Variants in ARHGEF11 observed in about 807,000 individuals in gnomAD.
The protein encoded by ARHGEF11 is Rho guanine nucleotide exchange factor 11, also known as Rho guanine exchange factor (GEF) 11.
A neutral mutation model predicts 193.7 loss-of-function variants in ARHGEF11; 55 were observed. That is an observed-to-expected ratio of 0.28 (90% CI 0.23 to 0.36). The LOEUF (loss-of-function observed/expected upper bound fraction) is 0.36, where lower values mean the gene tolerates loss of function less well. Among genes scored for constraint, ARHGEF11 ranks in the 10% least tolerant of loss-of-function variants. The probability of loss-of-function intolerance (pLI) is 1.00; values close to 1 mark genes in which losing one functional copy is unlikely to be tolerated. For synonymous variants in ARHGEF11, 693 were observed against 768.0 expected, an observed-to-expected ratio of 0.90 and a Z score of 1.62; for missense variants, 1,723 against 2,005.6, an observed-to-expected ratio of 0.86 and a Z score of 2.69.
intron 1 of ARHGEF11, among the ~76,000 whole-genome samples, chr1:157,027,825 G>T (rs947276140): frequency 6.6e-6 from 1 of 152,118 alleles, no homozygotes; most frequent in Non-Finnish European, 1.5e-5. Context: ...AATGTCTTGC[G>T]ATGCTTGCTC....
At chr1:156,980,371 G>C in intron 4 of ARHGEF11, 66 bp downstream of exon 4, 2 of 1,555,080 alleles carry the variant, frequency 1.3e-6, no homozygotes, top group Admixed American at 1.9e-5. Context: ...GATGGGCCAA[G>C]GCCAGGAGTG....
chr1:157,038,358 G>A (rs995496640), intron 1 of ARHGEF11, among the ~76,000 whole-genome samples: 2 of 152,162 alleles, frequency 1.3e-5, no homozygotes, highest in South Asian at 2.1e-4. Flanking sequence ...ACATATTCAT[G>A]TCTTAGTTTG....
chr1:157,034,998 TG>T (rs1557988569), intron 1 of ARHGEF11, among the ~76,000 whole-genome samples: 2 of 152,136 alleles, frequency 1.3e-5, no homozygotes, highest in South Asian at 2.1e-4. Context: ...AAGAGGGATG[TG>T]GGCCCAGGAA....
intron 1 of ARHGEF11, among the ~76,000 whole-genome samples, chr1:157,012,660 A>T (rs1000056316): frequency 6.6e-6 from 1 of 152,238 alleles, no homozygotes; most frequent in Non-Finnish European, 1.5e-5. Context: ...TTGCCCATAT[A>T]TCCAAAGTAA....
chr1:156,945,484 G>A (rs1657951560), intron 29 of ARHGEF11: 1 of 414,658 alleles, frequency 2.4e-6, no homozygotes, highest in African/African-American at 2.0e-5. Flanking sequence ...CAGAGACTGT[G>A]GTAAATGGCC....
chr1:157,023,572 C>T (rs1240033887), intron 1 of ARHGEF11, among the ~76,000 whole-genome samples: 3 of 152,156 alleles, frequency 2.0e-5, no homozygotes, highest in Non-Finnish European at 4.4e-5. Context: ...TTGAGATCAG[C>T]CTGGCCAACA....
intron 1 of ARHGEF11, among the ~76,000 whole-genome samples, chr1:156,991,725 T>A (rs1160344803): frequency 5.4e-5 from 6 of 111,852 alleles, no homozygotes; most frequent in African/African-American, 2.1e-4. Context: ...TTTTTTTTTT[T>A]TTTTTTTTTG....
chr1:157,014,108 C>T (rs1668902717), intron 1 of ARHGEF11, among the ~76,000 whole-genome samples: 1 of 152,200 alleles, frequency 6.6e-6, no homozygotes, highest in Non-Finnish European at 1.5e-5. Context: ...TTAGTGTTTC[C>T]ATGACCTTTT....
intron 1 of ARHGEF11, among the ~76,000 whole-genome samples, chr1:157,042,968 G>A (rs1226189114): frequency 6.6e-6 from 1 of 152,220 alleles, no homozygotes; most frequent in Non-Finnish European, 1.5e-5. Context: ...ACAGAAAGGA[G>A]GAAGGAGGTC....
chr1:156,946,096 G>A lies in ARHGEF11; in HGVS notation c.2761C>T (p.Arg921Trp), dbSNP rs2101912677. 1 of 1,613,442 alleles carries A rather than the reference G, an allele frequency of 6.2e-7. No homozygotes were observed. Among genetic ancestry groups the A allele is most frequent in the Non-Finnish European group, 8.5e-7 (1 of 1,179,872 alleles). Residue 921 changes from arginine (R) to tryptophan (W), a missense_variant, in exon 29 of 41, where the codon CGG (arginine) becomes TGG (tryptophan). Arg to Trp is a moderately radical substitution (Grantham distance 101). Coordinates refer to ENST00000368194, the MANE Select transcript of ARHGEF11 (RefSeq NM_198236.3). Reference protein sequence around the residue: ...LRDLIISEMQRLTKYPLLLES... With the variant: ...LRDLIISEMQWLTKYPLLLES... ...AGCAGCAGCGGGTACTTGGTGAGCC[G>A]CTGCATCTCAGAGATGATGAGGTCT...
At position 156,968,032 on chromosome 1, in the gene ARHGEF11, G is replaced by C. The variant is rs1317341295; in HGVS notation, c.918C>G (p.His306Gln). Residue 306 changes from histidine (H) to glutamine (Q), a missense_variant, in exon 11 of 41, where the codon CAC (histidine) becomes CAG (glutamine). Transcript: ENST00000368194. ...CTGCTGCATCCGAGCCCTGCCGCCTGTGGTGCTGGGCCACCCTGGCCATGA... is the reference window on the plus strand; with the variant it reads ...CTGCTGCATCCGAGCCCTGCCGCCTCTGGTGCTGGGCCACCCTGGCCATGA... ...PVIMARVAQH[H>Q]RRQGSDAAVP... is the part of the protein sequence containing the mutation. 1.2e-6 allele frequency: 2 copies of C among 1,614,120 alleles called. No homozygotes were observed. Among genetic ancestry groups the C allele is most frequent in the East Asian group, 4.5e-5 (2 of 44,896 alleles).
chr1:157,027,238 C>T (rs149650733), intron 1 of ARHGEF11, among the ~76,000 whole-genome samples: 296 of 152,144 alleles, frequency 1.9e-3, no homozygotes, highest in African/African-American at 6.5e-3. Flanking sequence ...AAAAATTAGC[C>T]GAGTGCGGTG....
chr1:156,967,655 G>C (rs1311122942), intron 11 of ARHGEF11, among the ~76,000 whole-genome samples: 1 of 152,060 alleles, frequency 6.6e-6, no homozygotes, highest in Non-Finnish European at 1.5e-5. Flanking sequence ...CGGGGAAACT[G>C]AAAATTAGTA....
chr1:156,961,572 T>C (rs1660857422), intron 14 of ARHGEF11, 105 bp downstream of exon 14: 8 of 961,366 alleles, frequency 8.3e-6, no homozygotes, highest in Middle Eastern at 2.1e-4. Flanking sequence ...GATTTCTCTT[T>C]AAGAACCTGT....
chr1:156,935,121 C>G lies in ARHGEF11; in HGVS notation c.*879G>C, dbSNP rs1654836220. 2 of 152,474 alleles carry G rather than the reference C, an allele frequency of 1.3e-5. No individual in the cohort carries two copies. The highest frequency in any genetic ancestry group is 2.9e-5 in the Non-Finnish European group (2 of 68,028). The allele number at this position is 152,474 out of a possible 1,614,324, so 9.4% of individuals were successfully genotyped here. A position where few individuals can be genotyped will look rare whatever the true frequency, so the allele number is the denominator to read the frequency against. ...AGGGACTCGGCATTCAGACCCCTGT[C>G]CCCACCTCCTGGGGCCCAGTCCTCA... is the stretch of plus-strand genomic sequence containing the variant. On this transcript the variant is annotated 3_prime_UTR_variant, in exon 41 of 41. Transcript: ENST00000368194.
At chr1:157,022,098 A>T (rs1365768563) in intron 1 of ARHGEF11, among the ~76,000 whole-genome samples, 1 of 152,216 alleles carries the variant, frequency 6.6e-6, no homozygotes, top group Non-Finnish European at 1.5e-5. Flanking sequence ...ATGGTGAAAA[A>T]CTGAATGCTT....
At chr1:157,012,447 T>C (rs1668654328) in intron 1 of ARHGEF11, among the ~76,000 whole-genome samples, 1 of 152,146 alleles carries the variant, frequency 6.6e-6, no homozygotes, top group South Asian at 2.1e-4. Flanking sequence ...CACTTAACCA[T>C]ATAATTTAAA....
intron 1 of ARHGEF11, among the ~76,000 whole-genome samples, chr1:157,043,363 G>A (rs1672990392): frequency 1.3e-5 from 2 of 152,212 alleles, no homozygotes; most frequent in Admixed American, 6.5e-5. Context: ...CTCATGGGGA[G>A]AAGCGTTGAG....
chr1:156,947,698 T>A (rs530111478), intron 25 of ARHGEF11, 71 bp downstream of exon 25: 36 of 1,563,864 alleles, frequency 2.3e-5, no homozygotes, highest in Admixed American at 2.3e-4. Context: ...TTCCCACCCT[T>A]GTGTCTTAGG....
Sources: allele counts gnomAD v4.1 joint callset (sites outside exome capture counted in the v4.1 genomes callset), GRCh38; gene constraint gnomAD v4.1.1; transcripts MANE v1.5; gene names NCBI Gene and HGNC (gene_info 2026-07-23, HGNC 2026-07-21).